The following SDK2 variants were observed in gnomAD, a reference collection of about 807,000 sequenced individuals.
SDK2 encodes sidekick cell adhesion molecule 2.
In SDK2, 105 loss-of-function variants were observed where a neutral mutation model predicts 253.9. The observed-to-expected ratio is 0.41, with a 90% confidence interval of 0.35 to 0.49. The LOEUF (loss-of-function observed/expected upper bound fraction) is 0.49, where lower values mean the gene tolerates loss of function less well. Among genes scored for constraint, SDK2 ranks in the 20% least tolerant of loss-of-function variants. The pLI is 0.06. For missense variants in SDK2, 2,608 were observed against 3,003.0 expected, an observed-to-expected ratio of 0.87 and a Z score of 3.07; for synonymous variants, 1,249 against 1,234.9, an observed-to-expected ratio of 1.01 and a Z score of -0.24.
chr17:73,452,930 T>A (rs1442850111), intron 4 of SDK2, among the ~76,000 whole-genome samples: 1 of 152,170 alleles, frequency 6.6e-6, no homozygotes, highest in African/African-American at 2.4e-5. Context: ...GAAACATCCA[T>A]GCTAAGAACC....
At chr17:73,610,451 G>A (rs968458830) in intron 1 of SDK2, among the ~76,000 whole-genome samples, 1 of 152,154 alleles carries the variant, frequency 6.6e-6, no homozygotes. Flanking sequence ...GGCCCAGCAC[G>A]CATTCCAAGT....
chr17:73,583,416 T>G (rs1341792642), intron 1 of SDK2, among the ~76,000 whole-genome samples: 2 of 152,156 alleles, frequency 1.3e-5, no homozygotes, highest in Non-Finnish European at 2.9e-5. Context: ...GAGGGTGGAA[T>G]TCTCCCTTCT....
intron 36 of SDK2, among the ~76,000 whole-genome samples, chr17:73,378,309 C>T (rs2062800406): frequency 6.6e-6 from 1 of 151,832 alleles, no homozygotes; most frequent in East Asian, 2.0e-4. Flanking sequence ...ACTATGTTGC[C>T]CAGGCTGTTC....
Position 73,465,465 on chromosome 17 carries a change from C to T in SDK2, c.331+6647G>A, listed in dbSNP as rs1051681575. Among the ~76,000 whole-genome samples, 2 of 152,074 alleles carry T rather than the reference C, an allele frequency of 1.3e-5. No homozygotes were observed. Among genetic ancestry groups the T allele is most frequent in the Non-Finnish European group, 2.9e-5 (2 of 68,030 alleles). On this transcript the variant is annotated intron_variant, in intron 3 of 44. Coordinates refer to ENST00000392650, the MANE Select transcript of SDK2 (RefSeq NM_001144952.2). The surrounding 1 kb of genome is among the most constrained non-coding windows in gnomAD (Gnocchi z 4.2). ...TGGTGAAACGCTGGCTGTGGTGAAA[C>T]GCTGGCTCGAGGTCCTCTGCCACCT...
At chr17:73,641,513 C>A (rs561746379) in intron 1 of SDK2, among the ~76,000 whole-genome samples, 1 of 152,122 alleles carries the variant, frequency 6.6e-6, no homozygotes, top group Admixed American at 6.6e-5. Context: ...TGTGACCCAT[C>A]GGGCATACGG....
In SDK2 at chr17:73,463,474, C is replaced by A. The variant is rs571751023; in HGVS notation, c.332-7421G>T. On this transcript the variant is annotated intron_variant, in intron 3 of 44. Coordinates refer to ENST00000392650, the MANE Select transcript of SDK2 (RefSeq NM_001144952.2). Reference sequence around the variant, plus strand: ...AATAAAATAAACACTCCTGCACCTACCTCCCAGCTGAAGGCCTAGAACACT... The same window carrying A: ...AATAAAATAAACACTCCTGCACCTAACTCCCAGCTGAAGGCCTAGAACACT... Among the ~76,000 whole-genome samples, 100 of 152,280 alleles carry A rather than the reference C, an allele frequency of 6.6e-4. 1 individual carries two copies. The Middle Eastern group carries it at 0.01, about 16-fold the overall frequency.
chr17:73,606,567 A>G (rs887800177), intron 1 of SDK2, among the ~76,000 whole-genome samples: 10 of 151,902 alleles, frequency 6.6e-5, no homozygotes, highest in African/African-American at 2.4e-4. Context: ...CACCGTTTCT[A>G]CTCCACAGAT....
intron 3 of SDK2, among the ~76,000 whole-genome samples, chr17:73,463,074 G>A (rs1320874062): frequency 1.3e-5 from 2 of 152,154 alleles, no homozygotes; most frequent in Admixed American, 6.5e-5. Flanking sequence ...AGACAATGAC[G>A]GTGATAACGG....
At chr17:73,611,472 A>C (rs925273965) in intron 1 of SDK2, among the ~76,000 whole-genome samples, 3 of 152,200 alleles carry the variant, frequency 2.0e-5, no homozygotes, top group Non-Finnish European at 4.4e-5. Flanking sequence ...TCCTTGCTGG[A>C]CGCCCAAGTC....
chr17:73,562,134 G>A (rs2045245560), intron 1 of SDK2, among the ~76,000 whole-genome samples: 1 of 152,068 alleles, frequency 6.6e-6, no homozygotes, highest in East Asian at 1.9e-4. Context: ...TCAAAAAAAA[G>A]ACAAATAACA....
intron 1 of SDK2, among the ~76,000 whole-genome samples, chr17:73,586,750 G>GT: frequency 6.6e-6 from 1 of 152,200 alleles, no homozygotes; most frequent in Non-Finnish European, 1.5e-5. Flanking sequence ...AGGTCCAGCA[G>GT]TTTCGTTGCA....
chr17:73,377,059 C>T (rs2062787705), intron 36 of SDK2, among the ~76,000 whole-genome samples: 1 of 152,106 alleles, frequency 6.6e-6, no homozygotes, highest in South Asian at 2.1e-4. Context: ...CCTTGCGTCT[C>T]TCCTACTCCC....
chr17:73,503,977 G>A (rs904699232), intron 2 of SDK2, among the ~76,000 whole-genome samples: 4 of 152,202 alleles, frequency 2.6e-5, no homozygotes, highest in Non-Finnish European at 5.9e-5. Flanking sequence ...GCACAGCTGA[G>A]CGACTTGGAG....
intron 39 of SDK2, among the ~76,000 whole-genome samples, chr17:73,360,623 T>A (rs1400906259): frequency 1.2e-5 from 1 of 85,752 alleles, no homozygotes. Context: ...GGATGAGGGG[T>A]GGGAGGGGAA....
chr17:73,587,916 A>T (rs1030473109), intron 1 of SDK2, among the ~76,000 whole-genome samples: 2 of 152,120 alleles, frequency 1.3e-5, no homozygotes, highest in African/African-American at 2.4e-5. Context: ...CTCTCTAAGA[A>T]ACTCCCTGTC....
chr17:73,505,013 AG>A (rs1202734147), intron 2 of SDK2, among the ~76,000 whole-genome samples: 3 of 151,880 alleles, frequency 2.0e-5, no homozygotes, highest in African/African-American at 4.8e-5. Flanking sequence ...CAACACTCTT[AG>A]GGGCGAGGAG....
rs75985368 is a variant in SDK2, at chr17:73,387,644, T to C, written c.4394+192A>G. Among the ~76,000 whole-genome samples, 1,408 of 151,480 alleles carry C rather than the reference T, an allele frequency of 9.3e-3. 37 individuals carry two copies. Among genetic ancestry groups the C allele is most frequent in the East Asian group, 0.088 (453 of 5,122 alleles). On this transcript the variant is annotated intron_variant, in intron 30 of 44. Transcript: ENST00000392650. ...TAACAGAGTTCCAGAGGGAACAGAGTGAGGAAGAGCAGGATAGAGCTGATT... is the reference window on the plus strand; with the variant it reads ...TAACAGAGTTCCAGAGGGAACAGAGCGAGGAAGAGCAGGATAGAGCTGATT...
chr17:73,610,791 G>A (rs1394236957), intron 1 of SDK2, among the ~76,000 whole-genome samples: 2 of 152,104 alleles, frequency 1.3e-5, no homozygotes, highest in Non-Finnish European at 2.9e-5. Context: ...ATATATCTAT[G>A]CATTTGGTAT....
intron 16 of SDK2, 134 bp from the exon 17 acceptor site, chr17:73,416,126 A>G: frequency 1.4e-6 from 1 of 708,422 alleles, no homozygotes; most frequent in Non-Finnish European, 2.3e-6. Flanking sequence ...GTGCTGTCCG[A>G]CAGGGTGCCC....
Sources: gnomAD v4.1 joint callset for allele counts (sites outside exome capture counted in the v4.1 genomes callset) on GRCh38, gnomAD v4.1.1 for gene constraint, Gnocchi (gnomAD v3.1) non-coding constraint, MANE v1.5 for transcripts, NCBI Gene and HGNC (gene_info 2026-07-23, HGNC 2026-07-21) for gene names.